The following PPFIA2 variants were observed in gnomAD, a reference collection of about 807,000 sequenced individuals.
PPFIA2 encodes the protein liprin-alpha-2.
Under a neutral mutation model 175.5 loss-of-function variants are expected in PPFIA2, and 46 were observed. The ratio of observed to expected loss-of-function variants is 0.26; its 90% CI spans 0.21 to 0.34. PPFIA2 has a LOEUF of 0.34. Ranked by LOEUF, PPFIA2 falls within the 10% of genes least tolerant of loss-of-function variation. The pLI, the probability that PPFIA2 is intolerant of heterozygous loss-of-function variation, is 1.00. For synonymous variants in PPFIA2, 568 were observed against 511.4 expected (o/e 1.11, Z -1.49); for missense variants, 1,179 against 1,506.1 (o/e 0.78, Z 3.60).
intron 4 of PPFIA2, among the ~76,000 whole-genome samples, chr12:81,514,257 A>G (rs1001293706): frequency 6.6e-6 from 1 of 151,900 alleles, no homozygotes; most frequent in Admixed American, 6.6e-5. Context: ...AACCTTACCC[A>G]CATGTGAACA....
At chr12:81,508,254 G>T (rs2061391491) in intron 4 of PPFIA2, among the ~76,000 whole-genome samples, 1 of 151,994 alleles carries the variant, frequency 6.6e-6, no homozygotes, top group Admixed American at 6.5e-5. Flanking sequence ...GGGCACGGTG[G>T]GTCACGCCTG....
At chr12:81,410,753 G>T (rs1395466702) in intron 7 of PPFIA2, among the ~76,000 whole-genome samples, 1 of 152,042 alleles carries the variant, frequency 6.6e-6, no homozygotes, top group Non-Finnish European at 1.5e-5. Context: ...CCAAGCCAGG[G>T]AAATCAGAAT....
chr12:81,294,032 T>C (rs1163529583), intron 24 of PPFIA2, among the ~76,000 whole-genome samples: 1 of 26,758 alleles, frequency 3.7e-5, no homozygotes, highest in Non-Finnish European at 2.0e-4. Flanking sequence ...TGAAATAACT[T>C]GGAAACAAAA....
chr12:81,735,129 G>A (rs1026709457), intron 3 of PPFIA2, among the ~76,000 whole-genome samples: 2 of 151,646 alleles, frequency 1.3e-5, no homozygotes, highest in African/African-American at 2.4e-5. Flanking sequence ...ATGAAAATAT[G>A]TTTTCATTTC....
At chr12:81,669,401 T>C (rs947297779) in intron 4 of PPFIA2, among the ~76,000 whole-genome samples, 4 of 152,048 alleles carry the variant, frequency 2.6e-5, no homozygotes, top group Non-Finnish European at 4.4e-5. Context: ...TTCTAATTCA[T>C]TCATTCAACC....
chr12:81,538,244 T>C (rs1417122998), intron 4 of PPFIA2, among the ~76,000 whole-genome samples: 1 of 151,928 alleles, frequency 6.6e-6, no homozygotes, highest in East Asian at 1.9e-4. Flanking sequence ...TTACTGCATA[T>C]TGATAATAAA....
intron 4 of PPFIA2, among the ~76,000 whole-genome samples, chr12:81,509,830 T>A (rs2061580099): frequency 6.6e-6 from 1 of 152,168 alleles, no homozygotes; most frequent in Admixed American, 6.6e-5. Context: ...TACAAAGGAC[T>A]CAGCATCATT....
intron 3 of PPFIA2, among the ~76,000 whole-genome samples, chr12:81,751,611 AAGAG>A (rs199650451): frequency 2.7e-5 from 4 of 150,338 alleles, no homozygotes; most frequent in African/African-American, 7.3e-5. Flanking sequence ...GTAAGAGAGA[AAGAG>A]AGAGAGAGAG....
At chr12:81,348,492 C>T (rs2059444440) in intron 17 of PPFIA2, among the ~76,000 whole-genome samples, 1 of 152,072 alleles carries the variant, frequency 6.6e-6, no homozygotes, top group Non-Finnish European at 1.5e-5. Flanking sequence ...AATCCCAGCA[C>T]TTTGGGAGGC....
At chr12:81,493,127 A>C (rs908671934) in intron 4 of PPFIA2, among the ~76,000 whole-genome samples, 1 of 152,056 alleles carries the variant, frequency 6.6e-6, no homozygotes, top group South Asian at 2.1e-4. Flanking sequence ...GGGAATTAGG[A>C]ATCAGTTTTT....
chr12:81,742,137 G>A (rs1016608491), intron 3 of PPFIA2, among the ~76,000 whole-genome samples: 4 of 152,214 alleles, frequency 2.6e-5, no homozygotes, highest in Admixed American at 6.5e-5. Context: ...TATGTTATCA[G>A]ATAGGTAAAG....
chr12:81,707,552 G>C (rs1220510010), intron 3 of PPFIA2, among the ~76,000 whole-genome samples: 1 of 149,754 alleles, frequency 6.7e-6, no homozygotes, highest in Non-Finnish European at 1.5e-5. Context: ...GGAGAAATAG[G>C]AACACTTTTA....
At position 81,485,856 on chromosome 12, in the gene PPFIA2, C is replaced by T. The variant is rs190994862; in HGVS notation, c.304-27990G>A. 5.1e-3 allele frequency among the ~76,000 whole-genome samples: 774 copies of T among 151,718 alleles called. 5 individuals are homozygous for T. Among genetic ancestry groups the T allele is most frequent in the Middle Eastern group, 0.01 (3 of 292 alleles). On this transcript the variant is annotated intron_variant, in intron 4 of 32. Transcript: ENST00000549396. Reference sequence around the variant, plus strand: ...AATGTTAAATGTATAATAATATAAGCGACATAATTTTTGGAACTAAATGAC... The same window carrying T: ...AATGTTAAATGTATAATAATATAAGTGACATAATTTTTGGAACTAAATGAC...
intron 4 of PPFIA2, among the ~76,000 whole-genome samples, chr12:81,594,495 G>A (rs2059030755): frequency 6.6e-6 from 1 of 152,130 alleles, no homozygotes; most frequent in Non-Finnish European, 1.5e-5. Flanking sequence ...TTGAAGAAAT[G>A]GGTTGCGAAC....
Position 81,294,931 on chromosome 12 carries a change from A to G in PPFIA2, c.2829T>C (p.Ile943=). 1 of 1,613,662 alleles carries G rather than the reference A, an allele frequency of 6.2e-7. No homozygotes were observed. The highest frequency in any genetic ancestry group is 8.5e-7 in the Non-Finnish European group (1 of 1,179,756). ...ALSDTEIQRE[I]GISNPLHRLK... ...AGCGATGCAGTGGATTGCTGATTCC[A>G]ATTTCTCTCTGGATCTCAGTGTCAG... Residue 943 remains isoleucine, a synonymous_variant, in exon 24 of 33, where the codon ATT becomes ATC. Transcript: ENST00000549396.
intron 15 of PPFIA2, among the ~76,000 whole-genome samples, chr12:81,359,191 ACT>A (rs1317487438): frequency 1.3e-5 from 2 of 151,844 alleles, no homozygotes; most frequent in Non-Finnish European, 2.9e-5. Context: ...GATTGACTAT[ACT>A]CTCTTTTTCA....
intron 4 of PPFIA2, among the ~76,000 whole-genome samples, chr12:81,482,146 A>G (rs1179431157): frequency 1.3e-5 from 2 of 152,206 alleles, no homozygotes; most frequent in Non-Finnish European, 2.9e-5. Flanking sequence ...AAAGCTCATC[A>G]TCACTGTTCA....
At chr12:81,667,751 G>T (rs1447510427) in intron 4 of PPFIA2, among the ~76,000 whole-genome samples, 2 of 151,842 alleles carry the variant, frequency 1.3e-5, no homozygotes, top group African/African-American at 4.8e-5. Flanking sequence ...TCTCATTGTG[G>T]ATATCCAGAC....
intron 3 of PPFIA2, among the ~76,000 whole-genome samples, chr12:81,719,442 T>C (rs934149949): frequency 6.6e-6 from 1 of 151,528 alleles, no homozygotes; most frequent in African/African-American, 2.4e-5. Flanking sequence ...TCTTTGCTAT[T>C]AAAAAGTTCT....
Sources: gnomAD v4.1 joint callset for allele counts (sites outside exome capture counted in the v4.1 genomes callset) on GRCh38, gnomAD v4.1.1 for gene constraint, MANE v1.5 for transcripts, NCBI Gene and HGNC (gene_info 2026-07-23, HGNC 2026-07-21) for gene names.